Variants in RAB30 observed in about 807,000 individuals in gnomAD.
RAB30 encodes ras-related protein Rab-30.
RAB30 carries 9 observed loss-of-function variants against 25.1 expected under a neutral mutation model. That is an observed-to-expected ratio of 0.36 (90% CI 0.22 to 0.63). The LOEUF (loss-of-function observed/expected upper bound fraction) is 0.63. Among genes scored for constraint, RAB30 ranks in the 20% least tolerant of loss-of-function variants. The probability of loss-of-function intolerance (pLI) is 0.69; values close to 1 mark genes in which losing one functional copy is unlikely to be tolerated. For synonymous variants in RAB30, 77 were observed against 86.4 expected, an observed-to-expected ratio of 0.89 and a Z score of 0.60; for missense variants, 140 against 243.5, an observed-to-expected ratio of 0.58 and a Z score of 2.83.
intron 1 of RAB30, among the ~76,000 whole-genome samples, chr11:83,013,134 A>G (rs1857340230): frequency 6.6e-6 from 1 of 151,602 alleles, no homozygotes; most frequent in African/African-American, 2.4e-5. Flanking sequence ...CCCAGGCTGG[A>G]GTGCAATGGT....
intron 1 of RAB30, among the ~76,000 whole-genome samples, chr11:83,055,749 G>A (rs1287962077): frequency 6.6e-6 from 1 of 152,220 alleles, no homozygotes; most frequent in Middle Eastern, 3.2e-3. Context: ...CTTACAAAAA[G>A]GGCTTGAAGG....
chr11:83,008,181 G>C (rs2121486849), intron 1 of RAB30, among the ~76,000 whole-genome samples: 1 of 152,268 alleles, frequency 6.6e-6, no homozygotes, highest in Non-Finnish European at 1.5e-5. Flanking sequence ...CAGAGGTCAG[G>C]GCCACGGCTC....
chr11:82,994,382 T>C (rs185415945), intron 2 of RAB30, among the ~76,000 whole-genome samples: 27 of 151,684 alleles, frequency 1.8e-4, no homozygotes, highest in Admixed American at 1.5e-3. Context: ...GAAAAGGAGA[T>C]AAAGACAGGT....
At chr11:83,006,028 A>C (rs1260923552) in intron 1 of RAB30, among the ~76,000 whole-genome samples, 1 of 152,150 alleles carries the variant, frequency 6.6e-6, no homozygotes, top group Non-Finnish European at 1.5e-5. Context: ...TATAATTTTA[A>C]CTATATGTAG....
intron 1 of RAB30, among the ~76,000 whole-genome samples, chr11:83,002,921 T>G (rs1857115938): frequency 6.6e-6 from 1 of 152,256 alleles, no homozygotes; most frequent in African/African-American, 2.4e-5. Context: ...CCCAACTTTC[T>G]GACACACCTC....
At position 82,977,007 on chromosome 11, in the gene RAB30, C is replaced by T. The variant is rs1212107810; in HGVS notation, c.*5158G>A. 6.6e-6 allele frequency: 1 copy of T among 152,144 alleles called. No individual in the cohort carries two copies. Among genetic ancestry groups the T allele is most frequent in the Non-Finnish European group, 1.5e-5 (1 of 68,016 alleles). The allele number at this position is 152,144 out of a possible 1,614,324, so 9.4% of individuals were successfully genotyped here. A position where few individuals can be genotyped will look rare whatever the true frequency, so the allele number is the denominator to read the frequency against. On this transcript the variant is annotated 3_prime_UTR_variant, in exon 5 of 5. Transcript: ENST00000527633. ...ATAGATCTTGTGGACTGCTTTATGT[C>T]AGTGACCCACCAGCCCATCTCTCTT... is the stretch of plus-strand genomic sequence containing the variant.
intron 2 of RAB30, among the ~76,000 whole-genome samples, chr11:82,996,156 A>G (rs1221113007): frequency 6.6e-6 from 1 of 152,194 alleles, no homozygotes; most frequent in Non-Finnish European, 1.5e-5. Flanking sequence ...TTCACTTATC[A>G]TGGGAAAAAC....
chr11:83,003,244 C>T (rs1006203956), intron 1 of RAB30, among the ~76,000 whole-genome samples: 2 of 152,102 alleles, frequency 1.3e-5, no homozygotes, highest in African/African-American at 2.4e-5. Flanking sequence ...GAAAGGTACT[C>T]CTTTTAAAAA....
intron 1 of RAB30, among the ~76,000 whole-genome samples, chr11:83,045,329 C>T (rs1475739697): frequency 6.6e-6 from 1 of 152,110 alleles, no homozygotes; most frequent in African/African-American, 2.4e-5. Context: ...TAAGATCTTG[C>T]CATCTTGCCC....
intron 1 of RAB30, among the ~76,000 whole-genome samples, chr11:83,048,473 A>T (rs1858282034): frequency 6.6e-6 from 1 of 151,960 alleles, no homozygotes; most frequent in South Asian, 2.1e-4. Flanking sequence ...TGTCTCAAAA[A>T]AAAAAAAAAA....
intron 1 of RAB30, among the ~76,000 whole-genome samples, chr11:83,012,658 G>A (rs1857330070): frequency 6.6e-6 from 1 of 152,130 alleles, no homozygotes; most frequent in South Asian, 2.1e-4. Flanking sequence ...CAGATTAAAG[G>A]AATTAATACA....
rs779237772 is a variant in RAB30, at chr11:83,071,896, A to G, written c.-214T>C. On this transcript the variant is annotated 5_prime_UTR_variant, in exon 1 of 5. Coordinates refer to ENST00000527633, the MANE Select transcript of RAB30 (RefSeq NM_001286060.2). ...CAGGGGGTGGAGAGACCGTAGCACA[A>G]TGAATGCAGTGGGGCTTTTGCAATG... 3 of 390,910 alleles carry G rather than the reference A, an allele frequency of 7.7e-6. No homozygotes were observed. Among genetic ancestry groups the G allele is most frequent in the Non-Finnish European group, 1.4e-5 (3 of 221,792 alleles). The allele number at this position is 390,910 out of a possible 1,614,324, so 24.2% of individuals were successfully genotyped here.
chr11:83,064,558 A>G (rs1223019938), intron 1 of RAB30, among the ~76,000 whole-genome samples: 1 of 152,222 alleles, frequency 6.6e-6, no homozygotes, highest in African/African-American at 2.4e-5. Flanking sequence ...GTTTCCAGTC[A>G]CAGAATACAG....
intron 1 of RAB30, among the ~76,000 whole-genome samples, chr11:83,007,700 C>G (rs1857214471): frequency 6.6e-6 from 1 of 152,146 alleles, no homozygotes; most frequent in Non-Finnish European, 1.5e-5. Context: ...TCAGTTAACT[C>G]CCCAGGCGGG....
In RAB30 at chr11:82,981,844, A is replaced by C. The variant is rs919489005; in HGVS notation, c.*321T>G. 6.6e-6 allele frequency: 2 copies of C among 302,508 alleles called. No homozygotes were observed. The highest frequency in any genetic ancestry group is 2.1e-5 in the African/African-American group (1 of 46,746). 18.7% of individuals were successfully genotyped at this position (302,508 alleles called of 1,614,324 possible). On this transcript the variant is annotated 3_prime_UTR_variant, in exon 5 of 5. Transcript: ENST00000527633. ...TGTGCAGGAGGGATCCCTACAGTAC[A>C]TTTCCCCCCGGACTCTGTTTAGGAA...
chr11:83,035,880 C>T (rs1182913980), intron 1 of RAB30, among the ~76,000 whole-genome samples: 3 of 152,172 alleles, frequency 2.0e-5, no homozygotes, highest in Non-Finnish European at 2.9e-5. Flanking sequence ...GGATCACACA[C>T]ACACAGGCAC....
intron 1 of RAB30, among the ~76,000 whole-genome samples, chr11:83,047,664 A>C (rs567604241): frequency 6.6e-6 from 1 of 152,326 alleles, no homozygotes; most frequent in South Asian, 2.1e-4. Context: ...ACTTTCCCAA[A>C]ATAAACAGCC....
At chr11:82,989,635 C>T (rs1411277690) in intron 3 of RAB30, among the ~76,000 whole-genome samples, 2 of 152,212 alleles carry the variant, frequency 1.3e-5, no homozygotes, top group African/African-American at 4.8e-5. Context: ...GATTTAGGAA[C>T]TGTTCAGTAT....
At chr11:83,012,404 C>T (rs1857325083) in intron 1 of RAB30, among the ~76,000 whole-genome samples, 1 of 152,168 alleles carries the variant, frequency 6.6e-6, no homozygotes, top group Non-Finnish European at 1.5e-5. Context: ...AGAAGTAGTA[C>T]AGTGCCCTGG....
Sources: allele counts gnomAD v4.1 joint callset (sites outside exome capture counted in the v4.1 genomes callset), GRCh38; gene constraint gnomAD v4.1.1; transcripts MANE v1.5; gene names NCBI Gene and HGNC (gene_info 2026-07-23, HGNC 2026-07-21).